The following ZZEF1 variants were observed in gnomAD, a reference collection of about 807,000 sequenced individuals.
The protein encoded by ZZEF1 is zinc finger ZZ-type and EF-hand domain-containing protein 1.
ZZEF1 carries 157 observed loss-of-function variants against 342.8 expected under a neutral mutation model. The observed-to-expected ratio is 0.46, with a 90% CI of 0.40 to 0.52. The LOEUF is 0.52. Ranked by LOEUF, ZZEF1 falls within the 20% of genes least tolerant of loss-of-function variation. The probability of loss-of-function intolerance (pLI) is 0.00; values close to 1 mark genes in which losing one functional copy is unlikely to be tolerated. For synonymous variants in ZZEF1, 1,505 were observed against 1,429.1 expected, an observed-to-expected ratio of 1.05 and a Z score of -1.20; for missense variants, 3,480 against 3,725.6, an observed-to-expected ratio of 0.93 and a Z score of 1.72.
At chr17:4,125,403 T>C (rs1415280534) in intron 1 of ZZEF1, among the ~76,000 whole-genome samples, 3 of 152,182 alleles carry the variant, frequency 2.0e-5, no homozygotes, top group Non-Finnish European at 2.9e-5. Flanking sequence ...CCTATTTCCA[T>C]CATAGACCTC....
rs368195112 is a variant in ZZEF1 at position 4,072,595 on chromosome 17, G to C, written c.3834+13C>G. 10 of 1,591,388 alleles carry C rather than the reference G, an allele frequency of 6.3e-6. No homozygotes were observed. In the African/African-American group the frequency reaches 1.4e-4, roughly 22 times the overall value. ...TTCCAGTCTAAATAGAAAGAAAACG[G>C]AAGAGTAAATACCTCCTTACTATTC... is the stretch of plus-strand genomic sequence containing the variant. On this transcript the variant is annotated intron_variant, in intron 25 of 54. Transcript: ENST00000381638.
In ZZEF1 at chr17:4,052,001, C is replaced by G. The variant is rs755934972; in HGVS notation, c.5570G>C (p.Gly1857Ala). ...NVCDDFDLCY[G>A]CYAAKKYSYG... ...GGAGTATTTCTTCGCTGCATAGCAT[C>G]CGTAGCAAAGATCAAAGTCATCGCA... is the stretch of plus-strand genomic sequence containing the variant. Residue 1857 changes from glycine (G) to alanine (A), a missense_variant, in exon 35 of 55, where the codon GGA becomes GCA. Physicochemically the swap from Gly to Ala is moderately conservative, Grantham distance 60 (BLOSUM62 0). Coordinates refer to ENST00000381638, the MANE Select transcript of ZZEF1 (RefSeq NM_015113.4). 1.2e-6 allele frequency: 2 copies of G among 1,614,118 alleles called. No individual in the cohort carries two copies. Among genetic ancestry groups the G allele is most frequent in the Non-Finnish European group, 8.5e-7 (1 of 1,179,996 alleles).
At chr17:4,048,911 G>C (rs1370519569) in intron 37 of ZZEF1, among the ~76,000 whole-genome samples, 1 of 148,798 alleles carries the variant, frequency 6.7e-6, no homozygotes, top group African/African-American at 2.5e-5. Flanking sequence ...GTAGAGACAG[G>C]GTTTCACCCT....
At chr17:4,040,080 C>T (rs2056770920) in intron 39 of ZZEF1, among the ~76,000 whole-genome samples, 1 of 152,098 alleles carries the variant, frequency 6.6e-6, no homozygotes, top group South Asian at 2.1e-4. Context: ...CAGTTGATAT[C>T]ATGTTAATAC....
chr17:4,011,751 TTTAA>T (rs2055964589), intron 52 of ZZEF1, among the ~76,000 whole-genome samples: 1 of 152,228 alleles, frequency 6.6e-6, no homozygotes, highest in Admixed American at 6.5e-5. Flanking sequence ...ATTGTGTATA[TTTAA>T]TTGTTATCTT....
intron 24 of ZZEF1, 116 bp from the exon 25 acceptor site, chr17:4,072,872 A>C: frequency 9.2e-7 from 1 of 1,088,282 alleles, no homozygotes; most frequent in Non-Finnish European, 1.3e-6. Flanking sequence ...ACTTAGAGAA[A>C]GTTTACCCAC....
rs544070399 is a variant in ZZEF1 at position 4,020,155 on chromosome 17, G to A, written c.7405-386C>T. The A allele has an allele frequency of 5.7e-4, 98 of 170,940 alleles. 1 individual carries two copies. The South Asian group carries it at 0.013, about 23-fold the overall frequency. 10.6% of individuals were successfully genotyped at this position (170,940 alleles called of 1,614,324 possible). A position where few individuals can be genotyped will look rare whatever the true frequency, so the allele number is the denominator to read the frequency against. On this transcript the variant is annotated intron_variant, in intron 45 of 54. Coordinates refer to ENST00000381638, the MANE Select transcript of ZZEF1 (RefSeq NM_015113.4). The stretch of plus-strand genomic sequence containing the variant: ...TTTCTTTTGATTTTTTTTGACACAG[G>A]GTCTCACTTGGTTGCCCAGGCTGGA...
chr17:4,095,675 G>A (rs2058021222), intron 11 of ZZEF1, among the ~76,000 whole-genome samples, 156 bp downstream of exon 11: 1 of 152,138 alleles, frequency 6.6e-6, no homozygotes. Flanking sequence ...CTACTAGAAA[G>A]CAATGAAGGC....
At position 4,032,982 on chromosome 17, in the gene ZZEF1, G is replaced by A. The variant is rs775704975; in HGVS notation, c.6605C>T (p.Ala2202Val). The A allele has an allele frequency of 3.2e-6, 5 of 1,584,708 alleles. No homozygotes were observed. The highest frequency in any genetic ancestry group is 1.3e-5 in the African/African-American group (1 of 74,414). ...CLDSRVGLDW[A>V]CSMAEILRSL... ...CCGCAGGATCTCTGCCATGGAGCAC[G>A]CCCAGTCCAAGCCCACCCGGCTGGA... The change falls in exon 41 of 55, where the codon GCG (alanine) becomes GTG (valine). Residue 2202 changes from alanine (A) to valine (V), a missense_variant. Physicochemically the swap from Ala to Val is moderately conservative, Grantham distance 64. Around this residue, in one of 5 missense-constraint regions of ZZEF1, gnomAD observed 1,269 missense variants for 1,342.4 expected, o/e 0.95. Transcript: ENST00000381638.
At chr17:4,137,697 C>T (rs971008358) in intron 1 of ZZEF1, among the ~76,000 whole-genome samples, 18 of 152,246 alleles carry the variant, frequency 1.2e-4, no homozygotes, top group African/African-American at 4.3e-4. Flanking sequence ...TTACCAAAGA[C>T]CTCCTGTGTA....
chr17:4,122,987 T>C (rs530926927), intron 2 of ZZEF1, among the ~76,000 whole-genome samples: 10 of 149,710 alleles, frequency 6.7e-5, no homozygotes, highest in East Asian at 4.0e-4. Context: ...TGGTGCGATC[T>C]CGGCTCACTG....
Position 4,008,825 on chromosome 17 carries a change from A to G in ZZEF1, c.8805+58T>C, listed in dbSNP as rs2055868076. On this transcript the variant is annotated intron_variant, in intron 54 of 54. Transcript: ENST00000381638. The surrounding 1 kb of genome is among the most constrained non-coding windows in gnomAD (Gnocchi z 4.2). ...TGTACAGACCTTCTCTGCCCTGGCA[A>G]TGGTGAGATGGTGGCGCCCCAGCCT... The G allele has an allele frequency of 6.5e-7, 1 of 1,537,916 alleles. No homozygotes were observed. The highest frequency in any genetic ancestry group is 8.7e-7 in the Non-Finnish European group (1 of 1,144,654).
At chr17:4,009,157 C>T in intron 53 of ZZEF1, 1 of 638,336 alleles carries the variant, frequency 1.6e-6, no homozygotes, top group Non-Finnish European at 2.7e-6. Context: ...TTTGCCTCCA[C>T]CTGCCCTTGG....
chr17:4,009,229 A>G (rs2055880666), intron 53 of ZZEF1: 1 of 567,192 alleles, frequency 1.8e-6, no homozygotes, highest in Non-Finnish European at 3.2e-6. Context: ...GAGGGAAGCT[A>G]AAGAACTCTG....
At position 4,075,346 on chromosome 17, in the gene ZZEF1, A is replaced by T; in HGVS notation, c.3318T>A (p.Asn1106Lys). The change falls in exon 22 of 55, where the codon AAT (asparagine) becomes AAA (lysine). Residue 1106 changes from asparagine (N) to lysine (K), a missense_variant. By Grantham distance (94) the Asn-to-Lys change is moderately conservative (BLOSUM62 0). Around this residue, in one of 5 missense-constraint regions of ZZEF1, gnomAD observed 1,528 missense variants for 1,624.1 expected, o/e 0.94. Coordinates refer to ENST00000381638, the MANE Select transcript of ZZEF1 (RefSeq NM_015113.4). ...TKESAHNYEN[N>K]CHEVSVFVSP... ...TAACAAAGACGGATACCTCATGGCA[A>T]TTATTTTCATAGTTGTGGGCAGATT... The T allele has an allele frequency of 6.2e-7, 1 of 1,614,230 alleles. No homozygotes were observed. Among genetic ancestry groups the T allele is most frequent in the South Asian group, 1.1e-5 (1 of 91,084 alleles).
rs974079427 is a variant in ZZEF1 at position 4,088,757 on chromosome 17, T to C, written c.2162A>G (p.Lys721Arg). 11 of 1,614,238 alleles carry C rather than the reference T, an allele frequency of 6.8e-6. No homozygotes were observed. The highest frequency in any genetic ancestry group is 8.5e-6 in the Non-Finnish European group (10 of 1,180,034). The change falls in exon 13 of 55, where the codon AAG (lysine) becomes AGG (arginine). Residue 721 changes from lysine to arginine, a missense_variant. Lys to Arg is a conservative substitution (Grantham distance 26). Around this residue, in one of 5 missense-constraint regions of ZZEF1, gnomAD observed 1,528 missense variants for 1,624.1 expected, o/e 0.94. Transcript: ENST00000381638. ...EQSVTCAHCRKDTEESVCGAT... is the reference protein window; with the variant it reads ...EQSVTCAHCRRDTEESVCGAT... Reference sequence around the variant, plus strand: ...CCCACAGACACTCTCCTCTGTGTCCTTTCTGCAGTGTGCACAGGTGACGCT... The same window carrying C: ...CCCACAGACACTCTCCTCTGTGTCCCTTCTGCAGTGTGCACAGGTGACGCT...
At chr17:4,063,337 C>G (rs1301635071) in intron 29 of ZZEF1, among the ~76,000 whole-genome samples, 1 of 152,056 alleles carries the variant, frequency 6.6e-6, no homozygotes, top group African/African-American at 2.4e-5. Flanking sequence ...TGCCTGTAAC[C>G]CTCTGATGCA....
At chr17:4,028,668 A>G (rs906575292) in intron 42 of ZZEF1, among the ~76,000 whole-genome samples, 5 of 152,230 alleles carry the variant, frequency 3.3e-5, no homozygotes, top group Admixed American at 2.0e-4. Flanking sequence ...AAAAAAGACA[A>G]GAAATCCACT....
rs34760976 is a variant in ZZEF1 at position 4,074,238 on chromosome 17, G to C, written c.3597C>G (p.Ala1199=). ...GCTGTAAATCCAGCCCCCAAGACAC[G>C]GCAACATCGGGCAGCCCACAGGCAG... The part of the protein sequence containing the change: ...TVTACGLPDV[A]VSWGLDLQLL... Residue 1199 remains alanine, a synonymous_variant, in exon 24 of 55, where the codon GCC becomes GCG. Coordinates refer to ENST00000381638, the MANE Select transcript of ZZEF1 (RefSeq NM_015113.4). 5.6e-6 allele frequency: 9 copies of C among 1,613,992 alleles called. No homozygotes were observed. The highest frequency in any genetic ancestry group is 6.8e-6 in the Non-Finnish European group (8 of 1,179,980).
Sources: allele counts gnomAD v4.1 joint callset (sites outside exome capture counted in the v4.1 genomes callset), GRCh38; gene constraint gnomAD v4.1.1; regional missense constraint gnomAD v4.1.1; non-coding constraint Gnocchi (gnomAD v3.1); transcripts MANE v1.5; gene names NCBI Gene and HGNC (gene_info 2026-07-23, HGNC 2026-07-21).